The following PDE2A variants were observed in gnomAD, a reference collection of about 807,000 sequenced individuals.
PDE2A encodes the protein cGMP-dependent 3',5'-cyclic phosphodiesterase.
In PDE2A, 53 loss-of-function variants were observed where a neutral mutation model predicts 133.6. The observed-to-expected ratio is 0.40, with a 90% CI of 0.32 to 0.50. The LOEUF (loss-of-function observed/expected upper bound fraction) is 0.50, where lower values mean the gene tolerates loss of function less well. Among genes scored for constraint, PDE2A ranks in the 20% least tolerant of loss-of-function variants. The pLI is 0.73. For synonymous variants in PDE2A, 491 were observed against 490.2 expected, an observed-to-expected ratio of 1.00 and a Z score of -0.02; for missense variants, 796 against 1,232.4, an observed-to-expected ratio of 0.65 and a Z score of 5.30.
chr11:72,630,355 G>A (rs968690264), intron 2 of PDE2A, among the ~76,000 whole-genome samples: 2 of 152,068 alleles, frequency 1.3e-5, no homozygotes, highest in South Asian at 4.1e-4. Flanking sequence ...ACAGCAGAGC[G>A]CCCTGGCATC....
At chr11:72,631,024 G>T in intron 2 of PDE2A, 1 of 1,398,064 alleles carries the variant, frequency 7.2e-7, no homozygotes, top group Non-Finnish European at 9.9e-7. Flanking sequence ...CTGATCTTCA[G>T]TCTGCGCCCC....
intron 2 of PDE2A, among the ~76,000 whole-genome samples, chr11:72,638,978 T>C (rs2135431731): frequency 6.6e-6 from 1 of 152,266 alleles, no homozygotes; most frequent in Non-Finnish European, 1.5e-5. Context: ...CAAGGTCCAG[T>C]TCAAGCCTAT....
intron 1 of PDE2A, chr11:72,658,340 T>G (rs1854956567): frequency 2.8e-6 from 1 of 361,682 alleles, no homozygotes; most frequent in Non-Finnish European, 5.4e-6. Context: ...AAGACCACCC[T>G]CATCCAAGCA....
At chr11:72,605,883 G>T (rs181848188) in intron 3 of PDE2A, among the ~76,000 whole-genome samples, 2 of 152,156 alleles carry the variant, frequency 1.3e-5, no homozygotes, top group South Asian at 4.1e-4. Context: ...GTCCAGAGGC[G>T]TATAAAGCAT....
chr11:72,592,191 G>A (rs1038203932), intron 6 of PDE2A, among the ~76,000 whole-genome samples: 1 of 152,136 alleles, frequency 6.6e-6, no homozygotes, highest in Non-Finnish European at 1.5e-5. Context: ...GGGAGGGAGG[G>A]TGGCAGCCTA....
chr11:72,611,506 C>T (rs934490039), intron 2 of PDE2A, among the ~76,000 whole-genome samples: 2 of 152,164 alleles, frequency 1.3e-5, no homozygotes, highest in Non-Finnish European at 2.9e-5. Context: ...TTGGTGGGTG[C>T]CTGCCTGACC....
At position 72,584,785 on chromosome 11, in the gene PDE2A, G is replaced by T. The variant is rs1202540440; in HGVS notation, c.1360-57C>A. 17 of 1,609,732 alleles carry T rather than the reference G, an allele frequency of 1.1e-5. No individual in the cohort carries two copies. The South Asian group carries it at 1.8e-4, about 17-fold the overall frequency. ...AAGTTAGTGACCCGGCCACAGAGGG[G>T]ACTGTTAAACCTCGGGCCGCTCCCC... is the stretch of plus-strand genomic sequence containing the variant. On this transcript the variant is annotated intron_variant, in intron 17 of 30. Coordinates refer to ENST00000334456, the MANE Select transcript of PDE2A (RefSeq NM_002599.5).
intron 2 of PDE2A, chr11:72,631,046 C>G: frequency 6.6e-7 from 1 of 1,510,796 alleles, no homozygotes; most frequent in South Asian, 1.2e-5. Flanking sequence ...CCCCCTCAAG[C>G]CCACCCACTT....
intron 1 of PDE2A, chr11:72,668,463 A>G (rs1269409518): frequency 1.4e-6 from 1 of 710,020 alleles, no homozygotes; most frequent in South Asian, 1.5e-5. Context: ...TTATGGCTTA[A>G]TACTTCTATC....
chr11:72,666,017 G>A (rs191227949), intron 1 of PDE2A, among the ~76,000 whole-genome samples: 64 of 152,068 alleles, frequency 4.2e-4, no homozygotes, highest in African/African-American at 1.4e-3. Flanking sequence ...CCTCTCCATC[G>A]AGTCTCCATG....
Position 72,591,353 on chromosome 11 carries a change from G to A in PDE2A, c.493C>T (p.His165Tyr). The A allele has an allele frequency of 6.2e-7, 1 of 1,613,290 alleles. No individual in the cohort carries two copies. Among genetic ancestry groups the A allele is most frequent in the Non-Finnish European group, 8.5e-7 (1 of 1,179,352 alleles). ...TCATTATCACTCAGCTGGCCACAGT[G>A]CACCTGGAGGGATGGGAGAAGGGAA... ...AGAVAAVILV[H>Y]CGQLSDNEEW... is the part of the protein sequence containing the mutation. The change falls in exon 7 of 31, where the codon CAC becomes TAC. Residue 165 changes from histidine (H) to tyrosine (Y), a missense_variant. By Grantham distance (83) the His-to-Tyr change is moderately conservative (BLOSUM62 2). Coordinates refer to ENST00000334456, the MANE Select transcript of PDE2A (RefSeq NM_002599.5).
At chr11:72,602,970 G>C (rs1856822153) in intron 4 of PDE2A, among the ~76,000 whole-genome samples, 1 of 152,204 alleles carries the variant, frequency 6.6e-6, no homozygotes, top group South Asian at 2.1e-4. Flanking sequence ...AGGCACAAAG[G>C]TGGGCAAGCA....
chr11:72,638,659 A>G (rs1858815963), intron 2 of PDE2A, among the ~76,000 whole-genome samples: 2 of 149,168 alleles, frequency 1.3e-5, no homozygotes, highest in African/African-American at 2.5e-5. Context: ...GTGTTCCATA[A>G]AGACTTTTGG....
At chr11:72,618,158 C>T (rs572734497) in intron 2 of PDE2A, among the ~76,000 whole-genome samples, 2 of 152,350 alleles carry the variant, frequency 1.3e-5, no homozygotes, top group East Asian at 1.9e-4. Flanking sequence ...TGGAGCAGGG[C>T]TCGTGGTCAC....
chr11:72,596,567 A>G, intron 6 of PDE2A, 26 bp downstream of exon 6: 1 of 1,422,986 alleles, frequency 7.0e-7, no homozygotes, highest in Non-Finnish European at 9.3e-7. Context: ...CTCTCCCTAC[A>G]TCCCACCGCC....
intron 1 of PDE2A, among the ~76,000 whole-genome samples, chr11:72,657,493 C>T (rs2135454365): frequency 6.6e-6 from 1 of 152,302 alleles, no homozygotes; most frequent in Middle Eastern, 3.4e-3. Flanking sequence ...TCCTCCATCT[C>T]CCTCAGGCCC....
intron 6 of PDE2A, among the ~76,000 whole-genome samples, 172 bp from the exon 7 acceptor site, chr11:72,591,528 T>C (rs1323908742): frequency 6.6e-6 from 1 of 152,080 alleles, no homozygotes; most frequent in Admixed American, 6.5e-5. Context: ...TCCAGGAAAA[T>C]CCCTCCTGTA....
chr11:72,633,094 C>T (rs1214011744), intron 2 of PDE2A, among the ~76,000 whole-genome samples: 4 of 152,228 alleles, frequency 2.6e-5, no homozygotes, highest in Non-Finnish European at 5.9e-5. Context: ...CCCTGGAGGC[C>T]TGGACTCCAT....
At chr11:72,667,094 A>G (rs1855258099) in intron 1 of PDE2A, among the ~76,000 whole-genome samples, 1 of 152,304 alleles carries the variant, frequency 6.6e-6, no homozygotes, top group East Asian at 1.9e-4. Flanking sequence ...TGAGAGTGTG[A>G]GACCCTGTCT....
Sources: allele counts gnomAD v4.1 joint callset (sites outside exome capture counted in the v4.1 genomes callset), GRCh38; gene constraint gnomAD v4.1.1; transcripts MANE v1.5; gene names NCBI Gene and HGNC (gene_info 2026-07-23, HGNC 2026-07-21).